The following SLC38A9 variants were observed in gnomAD, a reference collection of about 807,000 sequenced individuals.
SLC38A9 encodes the protein solute carrier family 38 member 9, also known as neutral amino acid transporter 9.
In SLC38A9, 48 loss-of-function variants were observed where a neutral mutation model predicts 62.3. The ratio of observed to expected loss-of-function variants is 0.77; its 90% CI spans 0.61 to 0.98. The LOEUF (loss-of-function observed/expected upper bound fraction) is 0.98, where lower values mean the gene tolerates loss of function less well. Ranked by LOEUF, SLC38A9 falls within the 50% of genes least tolerant of loss-of-function variation. SLC38A9 has a pLI of 0.00. For synonymous variants in SLC38A9, 204 were observed against 227.7 expected (o/e 0.90, Z 0.94); for missense variants, 541 against 679.8 (o/e 0.80, Z 2.27).
chr5:55,676,365 G>C (rs1014417464), intron 3 of SLC38A9, among the ~76,000 whole-genome samples: 9 of 152,082 alleles, frequency 5.9e-5, no homozygotes, highest in Non-Finnish European at 1.3e-4. Flanking sequence ...TTTTTATAGA[G>C]ACAGGGTCTC....
At chr5:55,644,841 A>G (rs111582134) in intron 12 of SLC38A9, among the ~76,000 whole-genome samples, 5,918 of 152,044 alleles carry the variant, frequency 0.039, 152 homozygotes, top group African/African-American at 0.082. Flanking sequence ...AGCATTAGGT[A>G]TATCTCCTAA....
chr5:55,687,448 A>AT (rs1754073066), intron 3 of SLC38A9, among the ~76,000 whole-genome samples: 1 of 151,556 alleles, frequency 6.6e-6, no homozygotes, highest in African/African-American at 2.4e-5. Flanking sequence ...AAAAAAAAAA[A>AT]AAAGTTTTTT....
intron 1 of SLC38A9, 108 bp from the exon 2 acceptor site, chr5:55,711,607 CTGAGTCGTGTGAAAAGCG>C (rs1290641727): frequency 2.6e-5 from 4 of 152,344 alleles, no homozygotes; most frequent in African/African-American, 9.6e-5. Flanking sequence ...ACTCTCACAA[CTGAGTCGTGTGAAAAGCG>C]TGGCGAGGGC....
intron 12 of SLC38A9, among the ~76,000 whole-genome samples, chr5:55,645,356 A>T (rs1036175491): frequency 2.0e-5 from 3 of 152,190 alleles, no homozygotes; most frequent in African/African-American, 7.2e-5. Context: ...CGCCCAGGGT[A>T]TCTTTAAAAG....
chr5:55,651,648 C>T (rs1354107564), intron 10 of SLC38A9, among the ~76,000 whole-genome samples: 1 of 151,724 alleles, frequency 6.6e-6, no homozygotes, highest in African/African-American at 2.4e-5. Flanking sequence ...CAATAGCGTT[C>T]TAAGAAAAAA....
chr5:55,631,514 A>G (rs1743447287), intron 14 of SLC38A9, among the ~76,000 whole-genome samples: 1 of 152,216 alleles, frequency 6.6e-6, no homozygotes, highest in South Asian at 2.1e-4. Context: ...ATTTTCTTTG[A>G]TGAATATAAA....
chr5:55,633,122 C>T (rs921676100), intron 14 of SLC38A9, among the ~76,000 whole-genome samples: 1 of 152,120 alleles, frequency 6.6e-6, no homozygotes, highest in African/African-American at 2.4e-5. Context: ...CTCCTCCCAC[C>T]TCAGCCTCCT....
At chr5:55,657,185 G>C (rs1580200958) in intron 8 of SLC38A9, among the ~76,000 whole-genome samples, 1 of 152,130 alleles carries the variant, frequency 6.6e-6, no homozygotes, top group African/African-American at 2.4e-5. Context: ...CTAGTACACT[G>C]AACAAAGACT....
At chr5:55,687,975 G>A (rs948412181) in intron 3 of SLC38A9, among the ~76,000 whole-genome samples, 4 of 152,138 alleles carry the variant, frequency 2.6e-5, no homozygotes, top group Admixed American at 2.0e-4. Flanking sequence ...GGGATTACAG[G>A]TGTGAGCCAC....
chr5:55,692,828 G>A (rs1408819359), intron 3 of SLC38A9: 2 of 983,282 alleles, frequency 2.0e-6, no homozygotes, highest in Non-Finnish European at 1.2e-6. Context: ...ATTCAAGTCA[G>A]CATTCATTAG....
chr5:55,669,973 T>C (rs974965684), intron 4 of SLC38A9, 94 bp from the exon 5 acceptor site: 3 of 1,234,158 alleles, frequency 2.4e-6, no homozygotes, highest in African/African-American at 1.5e-5. Context: ...AGACACCTTT[T>C]TTTTTCTTTT....
intron 5 of SLC38A9, 62 bp downstream of exon 5, chr5:55,669,696 A>C (rs949746021): frequency 1.1e-4 from 170 of 1,586,044 alleles, no homozygotes; most frequent in Non-Finnish European, 4.0e-5. Flanking sequence ...AAAAATTTAA[A>C]AAACCAGTAA....
chr5:55,681,849 T>C (rs1183640768), intron 3 of SLC38A9, among the ~76,000 whole-genome samples: 1 of 152,172 alleles, frequency 6.6e-6, no homozygotes, highest in Non-Finnish European at 1.5e-5. Flanking sequence ...AATGTCCTGT[T>C]TTTGTAAATA....
At chr5:55,698,315 A>T (rs1756198530) in intron 2 of SLC38A9, among the ~76,000 whole-genome samples, 1 of 152,246 alleles carries the variant, frequency 6.6e-6, no homozygotes, top group African/African-American at 2.4e-5. Flanking sequence ...CATCAAAAAC[A>T]GTAAGGAAAA....
At chr5:55,684,002 C>T (rs1753403985) in intron 3 of SLC38A9, among the ~76,000 whole-genome samples, 1 of 152,210 alleles carries the variant, frequency 6.6e-6, no homozygotes, top group South Asian at 2.1e-4. Flanking sequence ...CACTGTTCCA[C>T]ATTCTAGTCA....
chr5:55,678,329 G>A (rs1486331179), intron 3 of SLC38A9, among the ~76,000 whole-genome samples: 3 of 151,868 alleles, frequency 2.0e-5, no homozygotes, highest in Admixed American at 6.6e-5. Flanking sequence ...TAGAGACAAG[G>A]TTTCACTATG....
At chr5:55,669,154 C>T (rs1750897445) in intron 7 of SLC38A9, 74 bp downstream of exon 7, 3 of 1,051,602 alleles carry the variant, frequency 2.9e-6, no homozygotes, top group Admixed American at 2.0e-5. Context: ...GTAGCATATA[C>T]ACACTAGTGA....
intron 2 of SLC38A9, among the ~76,000 whole-genome samples, chr5:55,698,561 A>C (rs938007899): frequency 1.3e-5 from 2 of 152,204 alleles, no homozygotes; most frequent in African/African-American, 4.8e-5. Context: ...TGGAACTATA[A>C]AGACCTTTGC....
At chr5:55,664,884 A>G in intron 7 of SLC38A9, 21 bp from the exon 8 acceptor site, 1 of 1,446,734 alleles carries the variant, frequency 6.9e-7, no homozygotes, top group Non-Finnish European at 9.3e-7. Flanking sequence ...TAAGAGAAAG[A>G]ATAAAACTAA....
Sources: gnomAD v4.1 joint callset for allele counts (sites outside exome capture counted in the v4.1 genomes callset) on GRCh38, gnomAD v4.1.1 for gene constraint, MANE v1.5 for transcripts, NCBI Gene and HGNC (gene_info 2026-07-23, HGNC 2026-07-21) for gene names.